Variants in USP25 observed in about 807,000 individuals in gnomAD.
The protein encoded by USP25 is ubiquitin specific peptidase 25, also known as ubiquitin carboxyl-terminal hydrolase 25.
USP25 carries 85 observed loss-of-function variants against 158.5 expected under a neutral mutation model. The ratio of observed to expected loss-of-function variants is 0.54; its 90% CI spans 0.45 to 0.64. The LOEUF is 0.64. Among genes scored for constraint, USP25 ranks in the 30% least tolerant of loss-of-function variants. The pLI, the probability that USP25 is intolerant of heterozygous loss-of-function variation, is 0.00. For missense variants in USP25, 1,242 were observed against 1,327.3 expected, an observed-to-expected ratio of 0.94 and a Z score of 1.00; for synonymous variants, 464 against 460.4, an observed-to-expected ratio of 1.01 and a Z score of -0.10.
Position 15,878,384 on chromosome 21 carries a change from C to T in USP25, c.3287C>T (p.Pro1096Leu), listed in dbSNP as rs1193316020. The T allele has an allele frequency of 1.5e-5, 25 of 1,613,878 alleles. No homozygotes were observed. The highest frequency in any genetic ancestry group is 4.0e-5 in the African/African-American group (3 of 74,904). Residue 1096 changes from proline to leucine, a missense_variant, in exon 26 of 26, where the codon CCG becomes CTG. Pro to Leu is a moderately conservative substitution (Grantham distance 98). Coordinates refer to ENST00000400183, the MANE Select transcript of USP25 (RefSeq NM_001283041.3). The stretch of plus-strand genomic sequence containing the variant: ...GAGATTAAAAGTTTCCATGAGCCAC[C>T]GAAGTTACCTTCATATTCCACGCAT... The part of the protein sequence containing the change: ...SMEIKSFHEP[P>L]KLPSYSTHEL...
At chr21:15,859,996 T>A (rs1204410491) in intron 20 of USP25, among the ~76,000 whole-genome samples, 45 of 146,184 alleles carry the variant, frequency 3.1e-4, no homozygotes, top group Non-Finnish European at 3.5e-4. Context: ...TCTATATTTT[T>A]TTTTTTTTTT....
intron 18 of USP25, among the ~76,000 whole-genome samples, chr21:15,844,968 C>T (rs1241855097): frequency 1.3e-5 from 2 of 152,180 alleles, no homozygotes; most frequent in African/African-American, 2.4e-5. Context: ...GCTACTCAAT[C>T]GTATATTTGT....
chr21:15,878,103 A>G (rs1297153685), intron 25 of USP25, 112 bp downstream of exon 25: 1 of 1,026,016 alleles, frequency 9.7e-7, no homozygotes, highest in Admixed American at 3.1e-5. Context: ...TTAAGTATTA[A>G]TATTTTCACA....
At chr21:15,735,740 C>T (rs1406541537) in intron 1 of USP25, among the ~76,000 whole-genome samples, 3 of 152,086 alleles carry the variant, frequency 2.0e-5, no homozygotes, top group Non-Finnish European at 2.9e-5. Flanking sequence ...AATTAGATAG[C>T]GTTCAACTGA....
chr21:15,786,675 A>T (rs539220589), intron 4 of USP25, among the ~76,000 whole-genome samples: 3 of 152,294 alleles, frequency 2.0e-5, no homozygotes, highest in African/African-American at 7.2e-5. Context: ...TACTGAATGC[A>T]GAAAAAAATG....
chr21:15,827,390 G>A (rs571561485), intron 14 of USP25, among the ~76,000 whole-genome samples, 187 bp downstream of exon 14: 106 of 152,202 alleles, frequency 7.0e-4, no homozygotes, highest in African/African-American at 2.5e-3. Flanking sequence ...GGTTCACAGG[G>A]ACCAAAAGAT....
chr21:15,852,887 G>A (rs180915329), intron 20 of USP25, among the ~76,000 whole-genome samples: 2 of 152,212 alleles, frequency 1.3e-5, no homozygotes, highest in Non-Finnish European at 1.5e-5. Context: ...CATACATCAA[G>A]TTGTTTCTAA....
chr21:15,775,953 C>G lies in USP25; in HGVS notation c.269-1951C>G, dbSNP rs1047838196. 2.6e-5 allele frequency among the ~76,000 whole-genome samples: 4 copies of G among 152,104 alleles called. No individual in the cohort carries two copies. In the East Asian group the frequency reaches 7.7e-4, roughly 29 times the overall value. On this transcript the variant is annotated intron_variant, in intron 3 of 25. Coordinates refer to ENST00000400183, the MANE Select transcript of USP25 (RefSeq NM_001283041.3). ...ATCTGACCGCTAATTAATCACACAC[C>G]TAAACCCTGTTTTTCTGCTTCTCTG...
intron 1 of USP25, among the ~76,000 whole-genome samples, chr21:15,743,027 A>G (rs1012141016): frequency 3.9e-5 from 6 of 152,182 alleles, no homozygotes; most frequent in Non-Finnish European, 7.3e-5. Context: ...CTGCCTGGGG[A>G]GTCCCGAGGT....
At chr21:15,848,132 A>G (rs1172679612) in intron 19 of USP25, among the ~76,000 whole-genome samples, 3 of 152,096 alleles carry the variant, frequency 2.0e-5, no homozygotes, top group Non-Finnish European at 4.4e-5. Flanking sequence ...TTCTTGTTTT[A>G]CTGGAATTAC....
intron 9 of USP25, among the ~76,000 whole-genome samples, chr21:15,813,854 G>A (rs1191490231): frequency 6.6e-6 from 1 of 151,924 alleles, no homozygotes; most frequent in African/African-American, 2.4e-5. Context: ...TCTTGCTAAG[G>A]TTATTGATTT....
intron 9 of USP25, among the ~76,000 whole-genome samples, chr21:15,815,565 T>G (rs553918197): frequency 6.6e-6 from 1 of 152,190 alleles, no homozygotes; most frequent in Non-Finnish European, 1.5e-5. Context: ...CAGTGTGACC[T>G]GGATGTGAGA....
At chr21:15,759,532 TC>T (rs1043680623) in intron 1 of USP25, among the ~76,000 whole-genome samples, 8 of 152,210 alleles carry the variant, frequency 5.3e-5, no homozygotes, top group African/African-American at 1.9e-4. Context: ...CAGGGTGGCT[TC>T]CAGGTCATCG....
At chr21:15,806,060 C>A (rs1486910246) in intron 7 of USP25, among the ~76,000 whole-genome samples, 3 of 149,022 alleles carry the variant, frequency 2.0e-5, no homozygotes, top group Admixed American at 2.0e-4. Flanking sequence ...TGTGAATGAA[C>A]AAAAAGGGCA....
intron 1 of USP25, among the ~76,000 whole-genome samples, chr21:15,740,351 C>T (rs1377875268): frequency 6.6e-6 from 1 of 152,166 alleles, no homozygotes; most frequent in East Asian, 1.9e-4. Flanking sequence ...ATTGAATTAT[C>T]ACAATACACC....
Position 15,791,537 on chromosome 21 carries a change from G to C in USP25, c.428G>C (p.Cys143Ser). 1 of 1,610,686 alleles carries C rather than the reference G, an allele frequency of 6.2e-7. No individual in the cohort carries two copies. The highest frequency in any genetic ancestry group is 8.5e-7 in the Non-Finnish European group (1 of 1,177,932). The change falls in exon 5 of 26, where the codon TGT becomes TCT. Residue 143 changes from cysteine (C) to serine (S), a missense_variant. Cys to Ser is a moderately radical substitution (Grantham distance 112, BLOSUM62 -1). Coordinates refer to ENST00000400183, the MANE Select transcript of USP25 (RefSeq NM_001283041.3). ...LEASIAENKA[C>S]LKRTPTEVWR... ...GCCAGCATAGCAGAGAATAAAGCAT[G>C]TTTGAAGAGGACACCTACAGAAGTT...
At chr21:15,828,182 GACTA>G (rs2037620865) in intron 14 of USP25, among the ~76,000 whole-genome samples, 2 of 152,128 alleles carry the variant, frequency 1.3e-5, no homozygotes. Context: ...GTATGATGGT[GACTA>G]ACAGCATTAG....
At chr21:15,741,965 ATATTT>A (rs1568746993) in intron 1 of USP25, among the ~76,000 whole-genome samples, 2 of 152,218 alleles carry the variant, frequency 1.3e-5, no homozygotes, top group Non-Finnish European at 2.9e-5. Flanking sequence ...TTTATGATAC[ATATTT>A]TATTACACCG....
At position 15,878,458 on chromosome 21, in the gene USP25, CCTG is replaced by C. The variant is rs1358096346; in HGVS notation, c.3365_3367del (p.Ala1122del). ...AATCATGTTGTCCCTCAGTCGAACT[CCTG>C]CTGATGGAAGATAAACTGCACACTT... On this transcript the variant is annotated inframe_deletion, in exon 26 of 26. Coordinates refer to ENST00000400183, the MANE Select transcript of USP25 (RefSeq NM_001283041.3). 6.2e-7 allele frequency: 1 copy of C among 1,613,984 alleles called. No homozygotes were observed. Among genetic ancestry groups the C allele is most frequent in the Non-Finnish European group, 8.5e-7 (1 of 1,179,890 alleles).
Sources: gnomAD v4.1 joint callset for allele counts (sites outside exome capture counted in the v4.1 genomes callset) on GRCh38, gnomAD v4.1.1 for gene constraint, MANE v1.5 for transcripts, NCBI Gene and HGNC (gene_info 2026-07-23, HGNC 2026-07-21) for gene names.